RSPO2: variants seen among roughly 807,000 people sequenced by gnomAD.
RSPO2 encodes R-spondin-2.
A neutral mutation model predicts 30.9 loss-of-function variants in RSPO2; 14 were observed. That is an observed-to-expected ratio of 0.45 (90% CI 0.30 to 0.71). The LOEUF (loss-of-function observed/expected upper bound fraction) is 0.71. Ranked by LOEUF, RSPO2 falls within the 30% of genes least tolerant of loss-of-function variation. The probability of loss-of-function intolerance (pLI) is 0.08; values close to 1 mark genes in which losing one functional copy is unlikely to be tolerated. For missense variants in RSPO2, 264 were observed against 301.9 expected, an observed-to-expected ratio of 0.87 and a Z score of 0.93; for synonymous variants, 107 against 96.4, an observed-to-expected ratio of 1.11 and a Z score of -0.64.
At chr8:108,035,925 G>T (rs529709477) in intron 2 of RSPO2, among the ~76,000 whole-genome samples, 1 of 152,038 alleles carries the variant, frequency 6.6e-6, no homozygotes, top group Non-Finnish European at 1.5e-5. Context: ...CTATATGCTG[G>T]CTAATAAAAA....
At chr8:108,027,343 G>T (rs555544036) in intron 2 of RSPO2, among the ~76,000 whole-genome samples, 8 of 152,256 alleles carry the variant, frequency 5.3e-5, no homozygotes, top group Non-Finnish European at 1.2e-4. Flanking sequence ...TCTACATCTG[G>T]TTCATTCCGT....
intron 2 of RSPO2, among the ~76,000 whole-genome samples, 183 bp downstream of exon 2, chr8:108,082,362 G>A (rs1208243509): frequency 6.6e-6 from 1 of 152,120 alleles, no homozygotes; most frequent in African/African-American, 2.4e-5. Context: ...GCGCCTCCAG[G>A]GTACAGAAAA....
intron 2 of RSPO2, among the ~76,000 whole-genome samples, chr8:108,030,987 G>T (rs1811401650): frequency 6.6e-6 from 1 of 152,092 alleles, no homozygotes; most frequent in Non-Finnish European, 1.5e-5. Flanking sequence ...TATACTACTG[G>T]ATTAATATTC....
In RSPO2 at chr8:107,901,197, T is replaced by C. The variant is rs1265508591; in HGVS notation, c.617-7A>G. 1 of 1,607,088 alleles carries C rather than the reference T, an allele frequency of 6.2e-7. No individual in the cohort carries two copies. Among genetic ancestry groups the C allele is most frequent in the African/African-American group, 1.3e-5 (1 of 74,428 alleles). On this transcript the variant is annotated splice_polypyrimidine_tract_variant and splice_region_variant and intron_variant, in intron 5 of 5. Transcript: ENST00000276659. The stretch of plus-strand genomic sequence containing the variant: ...GCCTTTGGTGTTCTCTTCCCTGCAA[T>C]GAAGGAAAGAAAAGAAGAGATGTCA...
chr8:107,964,707 G>A (rs992855859), intron 3 of RSPO2, among the ~76,000 whole-genome samples: 2 of 152,074 alleles, frequency 1.3e-5, no homozygotes, highest in African/African-American at 4.8e-5. Flanking sequence ...TGCAGGGGGT[G>A]GGGGGAACTC....
chr8:108,081,844 T>C (rs1202922974), intron 2 of RSPO2: 31 of 939,674 alleles, frequency 3.3e-5, no homozygotes, highest in South Asian at 4.9e-5. Context: ...GAGAGCGAAG[T>C]GGGGCCTGTT....
chr8:107,925,553 C>CG (rs1340691461), intron 5 of RSPO2, among the ~76,000 whole-genome samples: 3 of 151,972 alleles, frequency 2.0e-5, no homozygotes, highest in Non-Finnish European at 4.4e-5. Context: ...ATCCCTCCCC[C>CG]CTCCTCCCAC....
At chr8:107,992,174 T>TACACACACAC (rs35054419) in intron 2 of RSPO2, among the ~76,000 whole-genome samples, 13,268 of 141,932 alleles carry the variant, frequency 0.093, 645 homozygotes, top group South Asian at 0.12. Context: ...GAAAATGTGA[T>TACACACACAC]ACACACACAC....
At chr8:108,043,027 A>C (rs1480284133) in intron 2 of RSPO2, among the ~76,000 whole-genome samples, 4 of 152,190 alleles carry the variant, frequency 2.6e-5, no homozygotes, top group African/African-American at 2.4e-5. Context: ...TATACAAAAA[A>C]AACAACAAAA....
intron 2 of RSPO2, among the ~76,000 whole-genome samples, chr8:108,076,480 T>C (rs1457588949): frequency 1.3e-5 from 2 of 152,028 alleles, no homozygotes; most frequent in Admixed American, 6.6e-5. Context: ...GGAAATATCT[T>C]TGGGAATGGA....
chr8:108,069,681 T>A (rs1435239445), intron 2 of RSPO2, among the ~76,000 whole-genome samples: 1 of 152,248 alleles, frequency 6.6e-6, no homozygotes, highest in Non-Finnish European at 1.5e-5. Flanking sequence ...CTACCACCTG[T>A]CTTCAATGAA....
At chr8:107,927,569 C>T (rs942994517) in intron 5 of RSPO2, among the ~76,000 whole-genome samples, 2 of 152,078 alleles carry the variant, frequency 1.3e-5, no homozygotes, top group African/African-American at 4.8e-5. Flanking sequence ...GAGATACGTC[C>T]CATCAATACC....
intron 5 of RSPO2, among the ~76,000 whole-genome samples, chr8:107,905,456 T>C (rs1205456191): frequency 6.6e-6 from 1 of 152,004 alleles, no homozygotes; most frequent in Non-Finnish European, 1.5e-5. Flanking sequence ...ACAAATATAA[T>C]TAACTGGAAT....
chr8:107,905,305 GA>G (rs1423961111), intron 5 of RSPO2, among the ~76,000 whole-genome samples: 1 of 151,962 alleles, frequency 6.6e-6, no homozygotes, highest in Non-Finnish European at 1.5e-5. Context: ...TTTAATGGAA[GA>G]AAACTAAAGA....
At chr8:107,988,742 C>T (rs1814738236) in intron 3 of RSPO2, among the ~76,000 whole-genome samples, 1 of 152,062 alleles carries the variant, frequency 6.6e-6, no homozygotes, top group Non-Finnish European at 1.5e-5. Context: ...ATTCTGGTGC[C>T]TCAGCTATCC....
rs532139761 is a variant in RSPO2, at chr8:108,066,607, T to C, written c.94+15938A>G. Among the ~76,000 whole-genome samples, 20 of 152,258 alleles carry C rather than the reference T, an allele frequency of 1.3e-4. No individual in the cohort carries two copies. The South Asian group carries it at 4.1e-3, about 32-fold the overall frequency. ...CTGTCCCAGCTAAACACGTATCAAC[T>C]CTCTTTTCTAAGAACCTGCAATTAA... On this transcript the variant is annotated intron_variant, in intron 2 of 5. Transcript: ENST00000276659.
intron 2 of RSPO2, among the ~76,000 whole-genome samples, chr8:108,014,884 A>G (rs1810832700): frequency 6.6e-6 from 1 of 152,040 alleles, no homozygotes; most frequent in Non-Finnish European, 1.5e-5. Context: ...AGATTGGAAT[A>G]AGTTAGGGAT....
At chr8:107,957,485 C>A (rs1813467722) in intron 5 of RSPO2, among the ~76,000 whole-genome samples, 1 of 152,168 alleles carries the variant, frequency 6.6e-6, no homozygotes, top group South Asian at 2.1e-4. Context: ...ATAATTACTG[C>A]AAATCAGCAC....
chr8:108,024,047 A>G (rs1811129731), intron 2 of RSPO2, among the ~76,000 whole-genome samples: 1 of 152,184 alleles, frequency 6.6e-6, no homozygotes, highest in African/African-American at 2.4e-5. Flanking sequence ...TTGTCCAAAT[A>G]CGGTGTGTCC....
Sources: allele counts gnomAD v4.1 joint callset (sites outside exome capture counted in the v4.1 genomes callset), GRCh38; gene constraint gnomAD v4.1.1; transcripts MANE v1.5; gene names NCBI Gene and HGNC (gene_info 2026-07-23, HGNC 2026-07-21).